The following ATM variants were observed in gnomAD, a reference collection of about 807,000 sequenced individuals.
ATM encodes the protein serine-protein kinase ATM.
In ATM, 308 loss-of-function variants were observed where a neutral mutation model predicts 387.0. The observed-to-expected ratio is 0.80, with a 90% CI of 0.73 to 0.87. The LOEUF is 0.87. Ranked by LOEUF, ATM falls within the 40% of genes least tolerant of loss-of-function variation. The probability of loss-of-function intolerance (pLI) is 0.00; values close to 1 mark genes in which losing one functional copy is unlikely to be tolerated. For missense variants in ATM, 3,312 were observed against 3,560.9 expected, an observed-to-expected ratio of 0.93 and a Z score of 1.78; for synonymous variants, 1,156 against 1,187.3, an observed-to-expected ratio of 0.97 and a Z score of 0.54.
chr11:108,240,508 A>G (rs2079501542), intron 5 of ATM, among the ~76,000 whole-genome samples: 1 of 152,192 alleles, frequency 6.6e-6, no homozygotes, highest in Admixed American at 6.5e-5. Context: ...AGATGGTATA[A>G]CACTACGCAC....
In ATM at chr11:108,330,369, G is replaced by T. The variant is rs774281788; in HGVS notation, c.7463G>T (p.Cys2488Phe). ...EEHDMWVFRL[C>F]SLWLENSGVS... The stretch of plus-strand genomic sequence containing the variant: ...CATGATATGTGGGTATTCCGACTTT[G>T]TTCCCTCTGGCTTGAAAATTCTGGA... The change falls in exon 50 of 63, where the codon TGT becomes TTT. Residue 2488 changes from cysteine to phenylalanine, a missense_variant. Cys to Phe is a radical substitution (Grantham distance 205, BLOSUM62 -2). Coordinates refer to ENST00000675843, the MANE Select transcript of ATM (RefSeq NM_000051.4). 1.2e-6 allele frequency: 2 copies of T among 1,614,158 alleles called. No individual in the cohort carries two copies. The highest frequency in any genetic ancestry group is 1.7e-6 in the Non-Finnish European group (2 of 1,180,016).
chr11:108,297,951 C>G (rs1354086983), intron 33 of ATM, among the ~76,000 whole-genome samples: 1 of 152,080 alleles, frequency 6.6e-6, no homozygotes, highest in Non-Finnish European at 1.5e-5. Flanking sequence ...AGTTAAGTTG[C>G]AAATAAATTG....
intron 61 of ATM, among the ~76,000 whole-genome samples, chr11:108,360,217 A>G (rs1383634732): frequency 1.3e-5 from 2 of 150,636 alleles, no homozygotes; most frequent in East Asian, 3.9e-4. Context: ...AAATTCCTCG[A>G]CACATACACT....
intron 8 of ATM, 137 bp from the exon 9 acceptor site, chr11:108,248,796 G>A: frequency 1.4e-6 from 1 of 692,996 alleles, no homozygotes; most frequent in Non-Finnish European, 2.3e-6. Context: ...GCTGAGGCAG[G>A]AGAATCACTT....
At chr11:108,277,458 G>A (rs559562207) in intron 22 of ATM, among the ~76,000 whole-genome samples, 16 of 152,230 alleles carry the variant, frequency 1.1e-4, no homozygotes, top group African/African-American at 3.6e-4. Flanking sequence ...CCAAATGGCC[G>A]CCCAGCTTTG....
Position 108,326,110 on chromosome 11 carries a change from G to A in ATM, c.6860G>A (p.Gly2287Glu), listed in dbSNP as rs1800061. The A allele has an allele frequency of 2.3e-5, 37 of 1,614,002 alleles. No homozygotes were observed. Among genetic ancestry groups the A allele is most frequent in the Non-Finnish European group, 2.5e-5 (29 of 1,180,022 alleles). Residue 2287 changes from glycine (G) to glutamate (E), a missense_variant, in exon 47 of 63, where the codon GGA becomes GAA. Gly to Glu is a moderately conservative substitution (Grantham distance 98, BLOSUM62 -2). Around this residue, in one of 4 missense-constraint regions of ATM, gnomAD observed 1,405 missense variants for 1,604.4 expected, o/e 0.88. Transcript: ENST00000675843. ...QIKQYNSVSCGVSEWQLEEAQ... is the reference protein window; with the variant it reads ...QIKQYNSVSCEVSEWQLEEAQ... ...AAACAGTACAATTCAGTTAGCTGTG[G>A]AGTCTCTGAGTGGCAGCTGGAAGAA...
intron 1 of ATM, 43 bp from the exon 2 acceptor site, chr11:108,227,552 A>G (rs1220175098): frequency 1.7e-6 from 2 of 1,196,996 alleles, no homozygotes; most frequent in Admixed American, 1.7e-5. Context: ...ATATATGCAT[A>G]TATACATATA....
chr11:108,333,840 G>T, intron 53 of ATM, 46 bp from the exon 54 acceptor site: 1 of 1,437,270 alleles, frequency 7.0e-7, no homozygotes. Context: ...GACCTTCAAT[G>T]CTGTTCCTCA....
At chr11:108,320,484 C>T (rs549866105) in intron 44 of ATM, among the ~76,000 whole-genome samples, 4 of 151,944 alleles carry the variant, frequency 2.6e-5, no homozygotes, top group Non-Finnish European at 5.9e-5. Context: ...TTTTTAAAGC[C>T]GTAGTGACTT....
chr11:108,241,424 A>G (rs1382112047), intron 5 of ATM, among the ~76,000 whole-genome samples: 3 of 152,226 alleles, frequency 2.0e-5, no homozygotes, highest in Non-Finnish European at 4.4e-5. Flanking sequence ...ACATGATTGT[A>G]TGTATTATAC....
At chr11:108,234,760 G>C (rs531412548) in intron 4 of ATM, among the ~76,000 whole-genome samples, 1 of 152,142 alleles carries the variant, frequency 6.6e-6, no homozygotes, top group South Asian at 2.1e-4. Flanking sequence ...AGGATCCCTT[G>C]AGCCTGAGAG....
chr11:108,308,029 A>C (rs2083829025), intron 38 of ATM, 45 bp downstream of exon 38: 1 of 1,519,968 alleles, frequency 6.6e-7, no homozygotes, highest in African/African-American at 1.4e-5. Context: ...TCTAGAGTGT[A>C]ACTTGTTAAC....
intron 57 of ATM, 95 bp from the exon 58 acceptor site, chr11:108,345,648 G>T: frequency 4.9e-6 from 5 of 1,014,442 alleles, no homozygotes; most frequent in Admixed American, 2.7e-5. Context: ...CATCTTTATT[G>T]CCCCTATATC....
chr11:108,278,069 A>G (rs1355065586), intron 22 of ATM, among the ~76,000 whole-genome samples: 3 of 152,212 alleles, frequency 2.0e-5, no homozygotes, highest in African/African-American at 7.2e-5. Flanking sequence ...TGCTTCAAAA[A>G]CATCAAAGCT....
intron 22 of ATM, among the ~76,000 whole-genome samples, chr11:108,274,662 C>T (rs979778246): frequency 6.6e-6 from 1 of 152,110 alleles, no homozygotes; most frequent in African/African-American, 2.4e-5. Context: ...GTTCAGTTTC[C>T]ATGTAGTTGT....
At chr11:108,297,257 TTAAAC>T (rs754256987) in intron 32 of ATM, 25 bp from the exon 33 acceptor site, 50 of 1,577,566 alleles carry the variant, frequency 3.2e-5, no homozygotes, top group Non-Finnish European at 4.0e-5. Context: ...TCATGCTAGT[TTAAAC>T]TAATTTTTAA....
chr11:108,242,755 A>G (rs752831734), intron 5 of ATM, among the ~76,000 whole-genome samples: 1 of 152,154 alleles, frequency 6.6e-6, no homozygotes, highest in Non-Finnish European at 1.5e-5. Flanking sequence ...TCGCAGTGTC[A>G]AGTGTCCCAT....
intron 4 of ATM, chr11:108,229,865 A>G (rs1291915400): frequency 6.8e-6 from 1 of 147,382 alleles, no homozygotes; most frequent in Non-Finnish European, 1.5e-5. Flanking sequence ...TTTTTTTTTT[A>G]AGAGGTGTTA....
At chr11:108,265,642 TTAAAC>T (rs1277742080) in intron 16 of ATM, among the ~76,000 whole-genome samples, 1 of 148,544 alleles carries the variant, frequency 6.7e-6, no homozygotes, top group African/African-American at 2.5e-5. Context: ...TGGGATCTAA[TTAAAC>T]TAAAGAGCTT....
Sources: gnomAD v4.1 joint callset for allele counts (sites outside exome capture counted in the v4.1 genomes callset) on GRCh38, gnomAD v4.1.1 for gene constraint, gnomAD v4.1.1 regional missense constraint, MANE v1.5 for transcripts, NCBI Gene and HGNC (gene_info 2026-07-23, HGNC 2026-07-21) for gene names.